AK8: variants seen among roughly 807,000 people sequenced by gnomAD.
The protein encoded by AK8 is adenylate kinase 8, also known as ATP-AMP transphosphorylase 8.
In AK8, 44 loss-of-function variants were observed where a neutral mutation model predicts 54.6. The observed-to-expected ratio is 0.81, with a 90% CI of 0.63 to 1.04. AK8 has a LOEUF of 1.04. Ranked by LOEUF, AK8 falls within the 50% of genes least tolerant of loss-of-function variation. The pLI is 0.00. For synonymous variants in AK8, 239 were observed against 245.6 expected (o/e 0.97, Z 0.25); for missense variants, 555 against 613.6 (o/e 0.90, Z 1.01).
At chr9:132,760,771 TAA>T (rs1838420998) in intron 11 of AK8, among the ~76,000 whole-genome samples, 1 of 152,224 alleles carries the variant, frequency 6.6e-6, no homozygotes, top group Non-Finnish European at 1.5e-5. Flanking sequence ...CTAAGAATTT[TAA>T]AATCATGAAT....
intron 11 of AK8, among the ~76,000 whole-genome samples, chr9:132,744,412 C>T: frequency 8.2e-6 from 1 of 122,398 alleles, no homozygotes; most frequent in Non-Finnish European, 1.7e-5. Context: ...AGAATAGACA[C>T]GTGCCAAAAA....
At chr9:132,750,119 C>G (rs754930060) in intron 11 of AK8, among the ~76,000 whole-genome samples, 3 of 151,724 alleles carry the variant, frequency 2.0e-5, no homozygotes, top group Non-Finnish European at 4.4e-5. Context: ...CACCCCTGAA[C>G]CAGCCTCTCT....
chr9:132,815,123 G>A (rs867852878), intron 9 of AK8, among the ~76,000 whole-genome samples: 8 of 152,210 alleles, frequency 5.3e-5, no homozygotes, highest in Non-Finnish European at 1.2e-4. Context: ...ATCTCTGGGC[G>A]ATGTGCCTCA....
Position 132,781,020 on chromosome 9 carries a change from A to G in AK8, c.1121+11614T>C, listed in dbSNP as rs180978760. On this transcript the variant is annotated intron_variant, in intron 11 of 12. Transcript: ENST00000298545. The surrounding 1 kb of genome is among the most constrained non-coding windows in gnomAD (Gnocchi z 4.6). ...GGCAAACTTCCCAACATCAATCAGA[A>G]TCCTATACTCTTTCTCTGTAGTAAG... Among the ~76,000 whole-genome samples the G allele has an allele frequency of 1.6e-4, 24 of 152,248 alleles. No individual in the cohort carries two copies. The East Asian group carries it at 4.6e-3, about 29-fold the overall frequency.
chr9:132,794,579 C>T (rs1840075372), intron 10 of AK8, among the ~76,000 whole-genome samples: 1 of 152,214 alleles, frequency 6.6e-6, no homozygotes, highest in Admixed American at 6.5e-5. Context: ...GTGATTCTTT[C>T]TTTAATGTCT....
chr9:132,878,414 G>A (rs1844258738), upstream of AK8: 2 of 1,236,780 alleles, frequency 1.6e-6, no homozygotes, highest in Non-Finnish European at 2.0e-6. The surrounding 1 kb of genome is among the most constrained non-coding windows in gnomAD (Gnocchi z 4.7). Context: ...CGACCTCCCC[G>A]GCTGACGCGC....
At chr9:132,814,269 A>C (rs1841211014) in intron 10 of AK8, among the ~76,000 whole-genome samples, 2 of 97,548 alleles carry the variant, frequency 2.1e-5, no homozygotes, top group East Asian at 3.3e-4. Flanking sequence ...ACAGATTGAT[A>C]CCCTGTCTCA....
At position 132,828,098 on chromosome 9, in the gene AK8, A is replaced by C; in HGVS notation, c.485-14T>G. 1 of 1,563,198 alleles carries C rather than the reference A, an allele frequency of 6.4e-7. No individual in the cohort carries two copies. The highest frequency in any genetic ancestry group is 8.7e-7 in the Non-Finnish European group (1 of 1,152,750). The stretch of plus-strand genomic sequence containing the variant: ...CACTCAGCACAACTGGGCAGAGAAG[A>C]AAAGGAGCAAAACCAGGCATGTCGG... On this transcript the variant is annotated splice_polypyrimidine_tract_variant and intron_variant, in intron 6 of 12. Transcript: ENST00000298545.
chr9:132,860,298 T>G lies in AK8; in HGVS notation c.333+3367A>C, dbSNP rs1259974367. ...CTGGCTGGCCTGGTGGAATCCTCAGTGACACTTCTAGGTGTGATAATGTGT... is the reference window on the plus strand; with the variant it reads ...CTGGCTGGCCTGGTGGAATCCTCAGGGACACTTCTAGGTGTGATAATGTGT... On this transcript the variant is annotated intron_variant, in intron 4 of 12. Transcript: ENST00000298545. The surrounding 1 kb of genome is among the most constrained non-coding windows in gnomAD (Gnocchi z 4.4). Among the ~76,000 whole-genome samples the G allele has an allele frequency of 1.3e-5, 2 of 152,110 alleles. No homozygotes were observed. Among genetic ancestry groups the G allele is most frequent in the Non-Finnish European group, 2.9e-5 (2 of 68,020 alleles).
chr9:132,741,301 A>G (rs1253064944), intron 11 of AK8, among the ~76,000 whole-genome samples: 1 of 152,220 alleles, frequency 6.6e-6, no homozygotes, highest in Non-Finnish European at 1.5e-5. Context: ...CAGTCAGTGC[A>G]GACAAAGTTC....
intron 5 of AK8, among the ~76,000 whole-genome samples, chr9:132,854,155 A>G (rs149964540): frequency 0.029 from 4,455 of 152,276 alleles, 130 homozygotes; most frequent in Middle Eastern, 0.048. Flanking sequence ...AGCTGTGATC[A>G]TGCCACTGGG....
At chr9:132,877,644 A>G in intron 1 of AK8, 1 of 328,976 alleles carries the variant, frequency 3.0e-6, no homozygotes, top group Admixed American at 3.8e-5. Context: ...GCTGCCGGGG[A>G]CGTCTGGCCC....
chr9:132,819,111 C>A lies in AK8; in HGVS notation c.889+4094G>T, dbSNP rs183864507. ...AACTATCCTTACTGTATACAGTCAG[C>A]CCTCCATATCCATAGTTTCTACACT... is the stretch of plus-strand genomic sequence containing the variant. On this transcript the variant is annotated intron_variant, in intron 9 of 12. Transcript: ENST00000298545. Among the ~76,000 whole-genome samples the A allele has an allele frequency of 2.2e-3, 331 of 152,226 alleles. 1 individual carries two copies. Among genetic ancestry groups the A allele is most frequent in the Non-Finnish European group, 3.0e-3 (206 of 67,998 alleles).
At chr9:132,788,348 T>A (rs967504148) in intron 11 of AK8, among the ~76,000 whole-genome samples, 11 of 152,224 alleles carry the variant, frequency 7.2e-5, no homozygotes, top group African/African-American at 2.4e-4. Flanking sequence ...TAAAGAAGAC[T>A]GGAAAATGGG....
intron 5 of AK8, among the ~76,000 whole-genome samples, chr9:132,833,599 T>C (rs891473324): frequency 1.4e-4 from 22 of 152,212 alleles, no homozygotes; most frequent in African/African-American, 5.3e-4. Flanking sequence ...TTCTGTTTTA[T>C]CACACATCAA....
At chr9:132,779,736 T>C (rs1406405578) in intron 11 of AK8, among the ~76,000 whole-genome samples, 1 of 152,174 alleles carries the variant, frequency 6.6e-6, no homozygotes, top group African/African-American at 2.4e-5. Context: ...GATAAGGAAA[T>C]TGACGTTAAA....
At chr9:132,734,426 G>A (rs1361433917) in intron 11 of AK8, among the ~76,000 whole-genome samples, 3 of 152,134 alleles carry the variant, frequency 2.0e-5, no homozygotes. Flanking sequence ...CCAGGGTGAG[G>A]CCTGAAAATG....
chr9:132,868,259 C>T (rs577235442), intron 2 of AK8, among the ~76,000 whole-genome samples: 1 of 151,670 alleles, frequency 6.6e-6, no homozygotes, highest in Non-Finnish European at 1.5e-5. Flanking sequence ...GTCCTTTTGG[C>T]CAGCAATGTA....
At chr9:132,806,103 T>TGC (rs1588150933) in intron 10 of AK8, among the ~76,000 whole-genome samples, 1 of 76,652 alleles carries the variant, frequency 1.3e-5, no homozygotes, top group East Asian at 7.6e-4. Flanking sequence ...CTGCTTGGCG[T>TGC]GTGTGTGTGT....
Sources: allele counts gnomAD v4.1 joint callset (sites outside exome capture counted in the v4.1 genomes callset), GRCh38; gene constraint gnomAD v4.1.1; non-coding constraint Gnocchi (gnomAD v3.1); transcripts MANE v1.5; gene names NCBI Gene and HGNC (gene_info 2026-07-23, HGNC 2026-07-21).